The following ADGRG6 variants were observed in gnomAD, a reference collection of about 807,000 sequenced individuals.
ADGRG6 encodes the protein adhesion G protein-coupled receptor G6.
ADGRG6 carries 84 observed loss-of-function variants against 142.4 expected under a neutral mutation model. The ratio of observed to expected loss-of-function variants is 0.59; its 90% CI spans 0.49 to 0.71. The LOEUF is 0.71. ADGRG6 is among the 30% of genes least tolerant of loss of function. The pLI, the probability that ADGRG6 is intolerant of heterozygous loss-of-function variation, is 0.00. For synonymous variants in ADGRG6, 521 were observed against 520.5 expected (o/e 1.00, Z -0.01); for missense variants, 1,367 against 1,466.6 (o/e 0.93, Z 1.11).
At chr6:142,374,074 TCTGTGCTACAATGG>T (rs1381447186) in intron 4 of ADGRG6, among the ~76,000 whole-genome samples, 1 of 152,048 alleles carries the variant, frequency 6.6e-6, no homozygotes, top group Non-Finnish European at 1.5e-5. Context: ...TTTGTCTGCC[TCTGTGCTACAATGG>T]CTGTGTTAAT....
intron 19 of ADGRG6, 114 bp from the exon 20 acceptor site, chr6:142,415,682 G>T: frequency 1.5e-6 from 1 of 665,748 alleles, no homozygotes; most frequent in East Asian, 2.7e-5. Context: ...TCAGAAAGGT[G>T]GTGCTACTTA....
At chr6:142,384,963 C>T (rs577930619) in intron 6 of ADGRG6, among the ~76,000 whole-genome samples, 2 of 151,914 alleles carry the variant, frequency 1.3e-5, no homozygotes, top group South Asian at 2.1e-4. Context: ...TTCCAGCAAC[C>T]CCCAAGAAAG....
chr6:142,402,785 A>G lies in ADGRG6; in HGVS notation c.1910A>G (p.Asn637Ser). 1 of 1,604,722 alleles carries G rather than the reference A, an allele frequency of 6.2e-7. No individual in the cohort carries two copies. The highest frequency in any genetic ancestry group is 8.5e-7 in the Non-Finnish European group (1 of 1,173,090). Reference sequence around the variant, plus strand: ...TCAACTCTAATGAATATATTTTCTAATATCTTAAGCAGTTCAGACAGTGAC... The same window carrying G: ...TCAACTCTAATGAATATATTTTCTAGTATCTTAAGCAGTTCAGACAGTGAC... ...LGSTLMNIFS[N>S]ILSSSDSDLL... The change falls in exon 13 of 25, where the codon AAT (asparagine) becomes AGT (serine). Residue 637 changes from asparagine (N) to serine (S), a missense_variant. Transcript: ENST00000367609.
rs766540867 is a variant in ADGRG6, at chr6:142,367,704, A to G, written c.239A>G (p.Gln80Arg). 3.7e-5 allele frequency: 59 copies of G among 1,613,814 alleles called. No homozygotes were observed. The highest frequency in any genetic ancestry group is 4.6e-5 in the Non-Finnish European group (54 of 1,179,844). Residue 80 changes from glutamine to arginine, a missense_variant, in exon 3 of 25, where the codon CAG (glutamine) becomes CGG (arginine). Transcript: ENST00000367609. ...TLRAPTGYII[Q>R]ITFNDFDIEE... ...CGAGCCCCCACCGGTTATATCATTC[A>G]GATAACATTTAACGACTTTGACATT...
chr6:142,440,897 T>G, intron 24 of ADGRG6: 2 of 1,358,868 alleles, frequency 1.5e-6, no homozygotes, highest in Non-Finnish European at 2.0e-6. Context: ...ATTCATATGT[T>G]TATGGTATAG....
Position 142,388,572 on chromosome 6 carries a change from A to T in ADGRG6, c.1223-1686A>T, listed in dbSNP as rs980455857. ...ATACACCCAACTTGCTGAACATCAT[A>T]GCTTGCTGAACCCACCTTAAACACG... On this transcript the variant is annotated intron_variant, in intron 6 of 24. Transcript: ENST00000367609. Among the ~76,000 whole-genome samples the T allele has an allele frequency of 9.9e-5, 15 of 152,238 alleles. No homozygotes were observed. The East Asian group carries it at 2.9e-3, about 29-fold the overall frequency.
chr6:142,395,782 T>A (rs1358033940), intron 9 of ADGRG6, among the ~76,000 whole-genome samples: 1 of 152,194 alleles, frequency 6.6e-6, no homozygotes, highest in Non-Finnish European at 1.5e-5. Flanking sequence ...GGCTTTATAG[T>A]CTCAGTTTTT....
At chr6:142,430,410 C>T (rs1777152813) in intron 22 of ADGRG6, among the ~76,000 whole-genome samples, 2 of 152,144 alleles carry the variant, frequency 1.3e-5, no homozygotes, top group East Asian at 3.9e-4. Context: ...TATGCATTGC[C>T]TCGAATTTTA....
chr6:142,409,975 T>G (rs1775999577), intron 17 of ADGRG6, 56 bp downstream of exon 17: 2 of 732,006 alleles, frequency 2.7e-6, no homozygotes. Context: ...TTTTAAACAT[T>G]GTTAGACACC....
At chr6:142,414,151 G>A (rs1315426862) in intron 18 of ADGRG6, among the ~76,000 whole-genome samples, 1 of 152,112 alleles carries the variant, frequency 6.6e-6, no homozygotes, top group East Asian at 1.9e-4. Flanking sequence ...AGGATTGAGT[G>A]AGTGGTCTTA....
At chr6:142,369,493 A>G (rs1161754533) in intron 3 of ADGRG6, among the ~76,000 whole-genome samples, 4 of 152,192 alleles carry the variant, frequency 2.6e-5, no homozygotes, top group Non-Finnish European at 5.9e-5. Context: ...GCCACTACCC[A>G]GAAGAGCTGG....
At chr6:142,424,958 A>G (rs899335161) in intron 22 of ADGRG6, among the ~76,000 whole-genome samples, 3 of 152,170 alleles carry the variant, frequency 2.0e-5, no homozygotes, top group African/African-American at 7.2e-5. Context: ...GAGTAGGAAG[A>G]ATAATATTTG....
rs1777703546 is a variant in ADGRG6 at position 142,310,317 on chromosome 6, G to A, written c.103+673G>A. Reference sequence around the variant, plus strand: ...TGTGAATGATATCTAAAAGTAAACTGTTTCTTCATTTTCTGGTTTTGTCAC... The same window carrying A: ...TGTGAATGATATCTAAAAGTAAACTATTTCTTCATTTTCTGGTTTTGTCAC... On this transcript the variant is annotated intron_variant, in intron 2 of 24. Transcript: ENST00000367609. Among the ~76,000 whole-genome samples the A allele has an allele frequency of 4.6e-5, 7 of 151,646 alleles. No individual in the cohort carries two copies. The South Asian group carries it at 1.5e-3, about 31-fold the overall frequency.
At chr6:142,324,044 C>T (rs866513470) in intron 2 of ADGRG6, among the ~76,000 whole-genome samples, 10 of 152,190 alleles carry the variant, frequency 6.6e-5, no homozygotes, top group Non-Finnish European at 1.3e-4. Context: ...CATTACTTCT[C>T]TTCCCTCCAG....
intron 4 of ADGRG6, among the ~76,000 whole-genome samples, chr6:142,374,392 C>T (rs1384635124): frequency 2.6e-5 from 4 of 152,086 alleles, no homozygotes; most frequent in East Asian, 3.8e-4. Flanking sequence ...GAATTATTTC[C>T]AATATTAAAC....
chr6:142,304,850 G>A (rs1777403623), intron 1 of ADGRG6, among the ~76,000 whole-genome samples: 1 of 152,122 alleles, frequency 6.6e-6, no homozygotes, highest in Admixed American at 6.5e-5. Context: ...ATGTTAAGAT[G>A]CATACTAATT....
intron 22 of ADGRG6, among the ~76,000 whole-genome samples, chr6:142,429,068 A>G (rs1051648193): frequency 6.6e-6 from 1 of 152,182 alleles, no homozygotes; most frequent in Non-Finnish European, 1.5e-5. Context: ...ACAAATTGCT[A>G]TGCAGCAGAG....
At chr6:142,393,493 C>T (rs1019429536) in intron 8 of ADGRG6, among the ~76,000 whole-genome samples, 1 of 152,082 alleles carries the variant, frequency 6.6e-6, no homozygotes, top group African/African-American at 2.4e-5. Context: ...ATATATCCTC[C>T]TGTGTACCTT....
intron 2 of ADGRG6, among the ~76,000 whole-genome samples, chr6:142,330,873 A>T (rs1245875819): frequency 6.6e-6 from 1 of 152,130 alleles, no homozygotes; most frequent in African/African-American, 2.4e-5. Context: ...CAGAGGAACT[A>T]TAGCCAATAT....
Sources: allele counts gnomAD v4.1 joint callset (sites outside exome capture counted in the v4.1 genomes callset), GRCh38; gene constraint gnomAD v4.1.1; transcripts MANE v1.5; gene names NCBI Gene and HGNC (gene_info 2026-07-23, HGNC 2026-07-21).